CAST: variants seen among roughly 807,000 people sequenced by gnomAD.
CAST encodes the protein MIR583 host.
In CAST, 76 loss-of-function variants were observed where a neutral mutation model predicts 119.6. The observed-to-expected ratio is 0.64, with a 90% CI of 0.53 to 0.77. CAST has a LOEUF of 0.77. CAST is among the 30% of genes least tolerant of loss of function. CAST has a pLI of 0.00. For missense variants in CAST, 953 were observed against 946.5 expected (o/e 1.01, Z -0.09); for synonymous variants, 319 against 331.6 (o/e 0.96, Z 0.41).
At chr5:96,102,236 T>G in the CAST span, among the ~76,000 whole-genome samples, 1 of 152,090 alleles carries the variant, frequency 6.6e-6, no homozygotes, top group Admixed American at 6.5e-5. Flanking sequence ...AGGCAGAGAA[T>G]TTTATTTAGC....
the CAST span, among the ~76,000 whole-genome samples, chr5:96,200,138 G>A: frequency 7.2e-5 from 11 of 152,082 alleles, no homozygotes; most frequent in Non-Finnish European, 1.2e-4. Context: ...AAAGCTGCCC[G>A]TGTGAATGGG....
At chr5:96,373,979 G>T in the CAST span, among the ~76,000 whole-genome samples, 2 of 152,180 alleles carry the variant, frequency 1.3e-5, no homozygotes, top group Admixed American at 6.5e-5. Context: ...TTTGCTGAAA[G>T]ACGTGATGTT....
the CAST span, chr5:96,390,574 T>C: frequency 6.6e-6 from 1 of 152,636 alleles, no homozygotes; most frequent in East Asian, 1.9e-4. Flanking sequence ...CAGAGGAACA[T>C]GCCTTTCAAA....
At chr5:96,216,954 A>G in the CAST span, among the ~76,000 whole-genome samples, 1 of 152,198 alleles carries the variant, frequency 6.6e-6, no homozygotes, top group Non-Finnish European at 1.5e-5. Flanking sequence ...CTGTTGCAGA[A>G]GTATTTTATA....
At chr5:96,479,684 G>A in the CAST span, among the ~76,000 whole-genome samples, 51 of 152,134 alleles carry the variant, frequency 3.4e-4, no homozygotes, top group African/African-American at 1.1e-3. Context: ...TCTTGGCCTC[G>A]CGATCTGCCC....
chr5:95,996,985 C>T, the CAST span, among the ~76,000 whole-genome samples: 665 of 152,114 alleles, frequency 4.4e-3, 5 homozygotes, highest in African/African-American at 0.015. Context: ...AAAAAAAAGA[C>T]AGGAATATTG....
chr5:96,127,075 C>T, the CAST span, among the ~76,000 whole-genome samples: 1 of 152,062 alleles, frequency 6.6e-6, no homozygotes, highest in Non-Finnish European at 1.5e-5. Flanking sequence ...TGTCCAAGGA[C>T]TTTAAAATAT....
At chr5:96,499,816 T>G in the CAST span, among the ~76,000 whole-genome samples, 1 of 152,220 alleles carries the variant, frequency 6.6e-6, no homozygotes, top group Non-Finnish European at 1.5e-5. Context: ...GCAAGAGGCC[T>G]AGCTTTCGGC....
chr5:96,168,046 A>G, the CAST span, among the ~76,000 whole-genome samples: 3 of 152,222 alleles, frequency 2.0e-5, no homozygotes, highest in Non-Finnish European at 4.4e-5. Flanking sequence ...AAGTTATGAA[A>G]TGATGACAGA....
the CAST span, among the ~76,000 whole-genome samples, chr5:96,451,666 T>G: frequency 6.6e-6 from 1 of 152,108 alleles, no homozygotes; most frequent in African/African-American, 2.4e-5. Flanking sequence ...ACTAAAGAGC[T>G]TCTGCACAGC....
At chr5:96,142,151 A>G in the CAST span, among the ~76,000 whole-genome samples, 50,723 of 152,108 alleles carry the variant, frequency 0.33, 8,704 homozygotes, top group Middle Eastern at 0.39. Flanking sequence ...AGTGGCTCAC[A>G]CCTGTAATCC....
At chr5:96,486,420 C>T in the CAST span, among the ~76,000 whole-genome samples, 1 of 152,132 alleles carries the variant, frequency 6.6e-6, no homozygotes, top group Non-Finnish European at 1.5e-5. Flanking sequence ...AGAGACACAC[C>T]ATTTTACTAG....
At chr5:96,371,454 A>T in the CAST span, among the ~76,000 whole-genome samples, 1 of 152,210 alleles carries the variant, frequency 6.6e-6, no homozygotes, top group Non-Finnish European at 1.5e-5. Flanking sequence ...TTCTGATAGC[A>T]CACTTCCTGC....
intron 1 of CAST, among the ~76,000 whole-genome samples, chr5:96,543,520 A>T (rs190888499): frequency 2.0e-5 from 3 of 152,338 alleles, no homozygotes; most frequent in Admixed American, 2.0e-4. Flanking sequence ...CACATTCTGC[A>T]CATGTACCCC....
the CAST span, chr5:95,961,456 C>A: frequency 4.8e-6 from 6 of 1,241,400 alleles, no homozygotes; most frequent in East Asian, 3.2e-5. Context: ...CTGGCCGCTG[C>A]GGGCGCTGAC....
rs778342120 is a variant in CAST at position 96,742,727 on chromosome 5, G to A, written c.1171G>A (p.Asp391Asn). The change falls in exon 16 of 32, where the codon GAC (aspartate) becomes AAC (asparagine). Residue 391 changes from aspartate to asparagine, a missense_variant. Asp to Asn is a conservative substitution (Grantham distance 23, BLOSUM62 1). Coordinates refer to ENST00000675179, the MANE Select transcript of CAST (RefSeq NM_001750.7). Reference protein sequence around the residue: ...LGTRQAEPELDLRSIKEVDEA... With the variant: ...LGTRQAEPELNLRSIKEVDEA... ...CACCCGGCAAGCAGAACCTGAGCTC[G>A]ACCTCCGCTCAATTAAGGAAGTCGA... 16 of 1,613,830 alleles carry A rather than the reference G, an allele frequency of 9.9e-6. No homozygotes were observed. Among genetic ancestry groups the A allele is most frequent in the South Asian group, 6.6e-5 (6 of 91,066 alleles).
chr5:96,601,021 C>A (rs73774319), intron 1 of CAST, among the ~76,000 whole-genome samples: 24 of 152,204 alleles, frequency 1.6e-4, no homozygotes, highest in Admixed American at 6.5e-4. Context: ...CCCATCTCCC[C>A]CTCCGCTATC....
At chr5:96,144,507 A>T in the CAST span, among the ~76,000 whole-genome samples, 3 of 152,262 alleles carry the variant, frequency 2.0e-5, no homozygotes, top group Admixed American at 6.5e-5. Flanking sequence ...AATTGCTTTT[A>T]GTTGAGAAAG....
At chr5:96,733,562 G>A (rs1320005782) in intron 9 of CAST, among the ~76,000 whole-genome samples, 2 of 152,108 alleles carry the variant, frequency 1.3e-5, no homozygotes, top group African/African-American at 4.8e-5. Flanking sequence ...TTTACTTTAC[G>A]TTGCCTCTGA....
Sources: allele counts gnomAD v4.1 joint callset (sites outside exome capture counted in the v4.1 genomes callset), GRCh38; gene constraint gnomAD v4.1.1; transcripts MANE v1.5; gene names NCBI Gene and HGNC (gene_info 2026-07-23, HGNC 2026-07-21).